The following CUEDC1 variants were observed in gnomAD, a reference collection of about 807,000 sequenced individuals.
The protein encoded by CUEDC1 is CUE domain containing 1.
In CUEDC1, 30 loss-of-function variants were observed where a neutral mutation model predicts 43.7. That is an observed-to-expected ratio of 0.69 (90% confidence interval 0.51 to 0.93). The LOEUF (loss-of-function observed/expected upper bound fraction) is 0.93. Among genes scored for constraint, CUEDC1 ranks in the 40% least tolerant of loss-of-function variants. The pLI, the probability that CUEDC1 is intolerant of heterozygous loss-of-function variation, is 0.00. For synonymous variants in CUEDC1, 223 were observed against 223.6 expected (o/e 1.00, Z 0.02); for missense variants, 486 against 549.0 (o/e 0.89, Z 1.15).
chr17:57,896,487 G>GGGGGGGGGGTGTGTGT (rs375270781), intron 1 of CUEDC1, among the ~76,000 whole-genome samples: 3 of 130,282 alleles, frequency 2.3e-5, no homozygotes, highest in African/African-American at 3.3e-5. Flanking sequence ...TGCATTATGG[G>GGGGGGGGGGTGTGTGT]GTGTGTGTGT....
chr17:57,884,185 T>C (rs2074254107), intron 2 of CUEDC1, among the ~76,000 whole-genome samples: 1 of 143,790 alleles, frequency 7.0e-6, no homozygotes, highest in Non-Finnish European at 1.5e-5. Context: ...CGCACTCTTT[T>C]TCTTTTCTTT....
intron 2 of CUEDC1, among the ~76,000 whole-genome samples, chr17:57,880,295 C>T (rs2074186333): frequency 6.6e-6 from 1 of 152,232 alleles, no homozygotes; most frequent in Non-Finnish European, 1.5e-5. Context: ...ATCTTAACCT[C>T]GAACAACCTG....
rs35241279 is a variant in CUEDC1, at chr17:57,922,879, CTT to C, written c.-316+32344_-316+32345del. ...TCACCCAGGGAATTTCTCCCTCTCT[CTT>C]TTTTTTTTTTTTTAAATAGGGTCTT... On this transcript the variant is annotated intron_variant, in intron 1 of 10. Transcript: ENST00000577830. 2.5e-3 allele frequency among the ~76,000 whole-genome samples: 357 copies of C among 143,990 alleles called. 1 individual carries two copies. The highest frequency in any genetic ancestry group is 4.9e-3 in the Admixed American group (71 of 14,410). 94.5% of individuals were successfully genotyped at this position (143,990 alleles called of 152,430 possible). A position where few individuals can be genotyped will look rare whatever the true frequency, so the allele number is the denominator to read the frequency against.
chr17:57,893,912 G>GTCA (rs2074382477), intron 1 of CUEDC1, among the ~76,000 whole-genome samples: 1 of 152,150 alleles, frequency 6.6e-6, no homozygotes, highest in Non-Finnish European at 1.5e-5. Context: ...TGGCCAAAAT[G>GTCA]GTGAAACACC....
intron 1 of CUEDC1, among the ~76,000 whole-genome samples, chr17:57,926,335 G>A (rs921212874): frequency 2.0e-5 from 3 of 152,138 alleles, no homozygotes; most frequent in African/African-American, 7.2e-5. Flanking sequence ...AAGCCAAAAA[G>A]GTGGGCAGGA....
rs375270781 is a variant in CUEDC1, at chr17:57,896,487, G to GGGGCGGGT, written c.-315-10609_-315-10608insACCCGCCC. The stretch of plus-strand genomic sequence containing the variant: ...GTCACTCTACTATAGTGCATTATGG[G>GGGGCGGGT]GTGTGTGTGTGTGTGTGTGTGTGTG... On this transcript the variant is annotated intron_variant, in intron 1 of 10. Transcript: ENST00000577830. Among the ~76,000 whole-genome samples, 7 of 130,372 alleles carry GGGGCGGGT rather than the reference G, an allele frequency of 5.4e-5. No individual in the cohort carries two copies. In the South Asian group the frequency reaches 1.7e-3, roughly 32 times the overall value. The allele number at this position is 130,372 out of a possible 152,430, so 85.5% of individuals were successfully genotyped here.
chr17:57,910,915 C>T (rs922640602), intron 1 of CUEDC1, among the ~76,000 whole-genome samples: 1 of 152,118 alleles, frequency 6.6e-6, no homozygotes, highest in Admixed American at 6.5e-5. Context: ...TGGCCACCAC[C>T]AATCCAGCTG....
chr17:57,919,786 A>T (rs1255966142), intron 1 of CUEDC1, among the ~76,000 whole-genome samples: 1 of 152,152 alleles, frequency 6.6e-6, no homozygotes, highest in South Asian at 2.1e-4. Context: ...AAGTACATGG[A>T]GATAATACCA....
intron 1 of CUEDC1, among the ~76,000 whole-genome samples, chr17:57,935,571 C>A (rs910625811): frequency 8.5e-5 from 13 of 152,136 alleles, no homozygotes; most frequent in African/African-American, 2.9e-4. Flanking sequence ...ATAGCCAGGC[C>A]CGCCCCATCC....
At chr17:57,883,441 G>A (rs1046141359) in intron 2 of CUEDC1, among the ~76,000 whole-genome samples, 2 of 152,166 alleles carry the variant, frequency 1.3e-5, no homozygotes, top group Non-Finnish European at 2.9e-5. Context: ...ATGACACATC[G>A]GGCCAGGTGC....
chr17:57,954,701 G>A lies in CUEDC1; in HGVS notation c.-316+524C>T, dbSNP rs1444411310. On this transcript the variant is annotated intron_variant, in intron 1 of 10. Coordinates refer to ENST00000577830, the MANE Select transcript of CUEDC1 (RefSeq NM_001271875.2). This position sits in a 1 kb window ranked among gnomAD's most constrained non-coding sequence, Gnocchi z 4.3. ...CTGAGCCGACCTGTGACATCGGCGG[G>A]GGGCAGGAAGCGAAGCTCCCCTCCC... Among the ~76,000 whole-genome samples, 2 of 152,122 alleles carry A rather than the reference G, an allele frequency of 1.3e-5. No individual in the cohort carries two copies. The highest frequency in any genetic ancestry group is 2.9e-5 in the Non-Finnish European group (2 of 68,002).
At chr17:57,926,309 G>A (rs1457633610) in intron 1 of CUEDC1, among the ~76,000 whole-genome samples, 2 of 152,064 alleles carry the variant, frequency 1.3e-5, no homozygotes, top group African/African-American at 2.4e-5. Flanking sequence ...GGAGAGGACC[G>A]AAAAAGGCCC....
intron 1 of CUEDC1, among the ~76,000 whole-genome samples, chr17:57,928,806 G>C (rs889211671): frequency 8.3e-6 from 1 of 120,896 alleles, no homozygotes; most frequent in Admixed American, 9.7e-5. Flanking sequence ...TATAAACTCG[G>C]GGTGGGGGGC....
At chr17:57,877,906 CAAAG>C (rs1256895599) in intron 3 of CUEDC1, among the ~76,000 whole-genome samples, 2 of 139,706 alleles carry the variant, frequency 1.4e-5, no homozygotes, top group African/African-American at 2.8e-5. Context: ...AAAAAAAAGT[CAAAG>C]AAAGGAAAAT....
intron 1 of CUEDC1, among the ~76,000 whole-genome samples, chr17:57,953,210 C>G (rs559374384): frequency 4.3e-4 from 66 of 152,322 alleles, no homozygotes; most frequent in African/African-American, 1.5e-3. Flanking sequence ...GCTGAAACAC[C>G]AGAATATCCA....
chr17:57,868,014 G>A (rs938569416), intron 8 of CUEDC1, 136 bp downstream of exon 8: 2 of 708,066 alleles, frequency 2.8e-6, no homozygotes, highest in Non-Finnish European at 5.0e-6. Context: ...ATGGAGGAGA[G>A]GGGAGGAGGA....
At chr17:57,905,259 C>CACACACACACAA (rs2074517929) in intron 1 of CUEDC1, among the ~76,000 whole-genome samples, 1 of 144,920 alleles carries the variant, frequency 6.9e-6, no homozygotes, top group Non-Finnish European at 1.5e-5. Context: ...GACACACACA[C>CACACACACACAA]ACACACACAC....
intron 1 of CUEDC1, among the ~76,000 whole-genome samples, chr17:57,916,716 G>A (rs1330999637): frequency 1.3e-5 from 2 of 152,122 alleles, no homozygotes; most frequent in African/African-American, 2.4e-5. Flanking sequence ...TCACAAACTC[G>A]CCTGGGCCCC....
intron 1 of CUEDC1, among the ~76,000 whole-genome samples, chr17:57,905,825 C>T (rs1421865858): frequency 6.6e-6 from 1 of 152,184 alleles, no homozygotes; most frequent in East Asian, 1.9e-4. Context: ...GCACCAAATC[C>T]AAGGCAGCAG....
Sources: allele counts gnomAD v4.1 joint callset (sites outside exome capture counted in the v4.1 genomes callset), GRCh38; gene constraint gnomAD v4.1.1; non-coding constraint Gnocchi (gnomAD v3.1); transcripts MANE v1.5; gene names NCBI Gene and HGNC (gene_info 2026-07-23, HGNC 2026-07-21).